Variants in LRFN5 observed in about 807,000 individuals in gnomAD.
The protein encoded by LRFN5 is leucine-rich repeat and fibronectin type-III domain-containing protein 5.
In LRFN5, 24 loss-of-function variants were observed where a neutral mutation model predicts 45.6. The ratio of observed to expected loss-of-function variants is 0.53; its 90% CI spans 0.38 to 0.74. The LOEUF (loss-of-function observed/expected upper bound fraction) is 0.74. Ranked by LOEUF, LRFN5 falls within the 30% of genes least tolerant of loss-of-function variation. LRFN5 has a pLI of 0.00. For synonymous variants in LRFN5, 340 were observed against 313.8 expected, an observed-to-expected ratio of 1.08 and a Z score of -0.88; for missense variants, 776 against 861.5, an observed-to-expected ratio of 0.90 and a Z score of 1.24.
At chr14:41,616,559 C>T (rs981347036) in intron 1 of LRFN5, among the ~76,000 whole-genome samples, 17 of 152,092 alleles carry the variant, frequency 1.1e-4, no homozygotes, top group African/African-American at 3.9e-4. Flanking sequence ...GATTAAGCTC[C>T]TAGCAGTTTT....
intron 1 of LRFN5, among the ~76,000 whole-genome samples, chr14:41,714,324 T>C (rs1566632958): frequency 6.6e-6 from 1 of 152,166 alleles, no homozygotes; most frequent in South Asian, 2.1e-4. Context: ...AGGACTTACA[T>C]TAAATCATGA....
chr14:41,889,496 C>T (rs1487293883), intron 3 of LRFN5, among the ~76,000 whole-genome samples: 1 of 151,930 alleles, frequency 6.6e-6, no homozygotes, highest in African/African-American at 2.4e-5. Flanking sequence ...TGACAAATAC[C>T]CCTCCCCACC....
At chr14:41,629,885 T>G (rs1273201896) in intron 1 of LRFN5, among the ~76,000 whole-genome samples, 1 of 152,100 alleles carries the variant, frequency 6.6e-6, no homozygotes, top group Non-Finnish European at 1.5e-5. Context: ...GAGCCTTACT[T>G]TTTTTTATGT....
intron 1 of LRFN5, among the ~76,000 whole-genome samples, chr14:41,626,085 G>T (rs1382201641): frequency 2.0e-5 from 3 of 151,988 alleles, no homozygotes; most frequent in Non-Finnish European, 4.4e-5. Flanking sequence ...AGGTTCTAGG[G>T]TAGGAGGGTC....
rs181581182 is a variant in LRFN5, at chr14:41,886,946, T to C, written c.321T>C (p.Asn107=). ...GAAATTTGAGGGCTTTGCATTTGAA[T>C]AGCAACAGATTGACTAAAATTACAA... The part of the protein sequence containing the change: ...DLRNLRALHL[N]SNRLTKITND... Residue 107 remains asparagine (N), a synonymous_variant, in exon 3 of 6, where the codon AAT becomes AAC. Transcript: ENST00000298119. 1,293 of 1,614,228 alleles carry C rather than the reference T, an allele frequency of 8.0e-4. 11 individuals are homozygous for C. The highest frequency in any genetic ancestry group is 1.1e-4 in the Non-Finnish European group (134 of 1,180,032).
intron 1 of LRFN5, among the ~76,000 whole-genome samples, chr14:41,690,151 T>G (rs1882311761): frequency 6.6e-6 from 1 of 152,096 alleles, no homozygotes; most frequent in Non-Finnish European, 1.5e-5. Flanking sequence ...AATGTAGCAA[T>G]ATTTTTAAAA....
At chr14:41,792,420 C>T (rs544004621) in intron 2 of LRFN5, among the ~76,000 whole-genome samples, 7 of 152,026 alleles carry the variant, frequency 4.6e-5, no homozygotes, top group African/African-American at 1.7e-4. Flanking sequence ...TTTTTCCCCA[C>T]CCTAATAAGC....
At chr14:41,667,413 A>G (rs1880951940) in intron 1 of LRFN5, among the ~76,000 whole-genome samples, 1 of 152,180 alleles carries the variant, frequency 6.6e-6, no homozygotes, top group Non-Finnish European at 1.5e-5. Context: ...AGCCATAGCC[A>G]TGTTTGCTAT....
At chr14:41,821,322 A>T (rs1888105060) in intron 2 of LRFN5, among the ~76,000 whole-genome samples, 1 of 151,812 alleles carries the variant, frequency 6.6e-6, no homozygotes, top group Non-Finnish European at 1.5e-5. Flanking sequence ...AATTTTATTT[A>T]ATTTTATTAT....
At chr14:41,700,495 C>G (rs1424811597) in intron 1 of LRFN5, 1 of 151,794 alleles carries the variant, frequency 6.6e-6, no homozygotes, top group African/African-American at 2.4e-5. Context: ...AGGAGAGAAG[C>G]TTTTCCTTTT....
intron 2 of LRFN5, among the ~76,000 whole-genome samples, chr14:41,875,589 A>T (rs1247295878): frequency 6.6e-6 from 1 of 152,204 alleles, no homozygotes; most frequent in Non-Finnish European, 1.5e-5. Flanking sequence ...TCTCTCTTGT[A>T]TGAGGTGGAA....
At chr14:41,833,563 G>C (rs1888556828) in intron 2 of LRFN5, among the ~76,000 whole-genome samples, 1 of 152,146 alleles carries the variant, frequency 6.6e-6, no homozygotes, top group Non-Finnish European at 1.5e-5. Flanking sequence ...GCTGAGCAGA[G>C]TTTCCTTCGT....
intron 2 of LRFN5, among the ~76,000 whole-genome samples, chr14:41,784,613 G>A (rs968423027): frequency 1.1e-5 from 1 of 91,502 alleles, no homozygotes; most frequent in Admixed American, 1.2e-4. Context: ...TGAAGCCTGT[G>A]TGTGTATGTG....
intron 1 of LRFN5, among the ~76,000 whole-genome samples, chr14:41,753,891 G>T (rs1157760586): frequency 6.6e-6 from 1 of 151,918 alleles, no homozygotes; most frequent in Non-Finnish European, 1.5e-5. Context: ...CAGTATATTG[G>T]CTGTGGGTTT....
chr14:41,701,322 C>T (rs1237479296), intron 1 of LRFN5: 1 of 152,082 alleles, frequency 6.6e-6, no homozygotes, highest in Admixed American at 6.6e-5. Flanking sequence ...ATTTTTTAGT[C>T]CTCGTAATAA....
At chr14:41,756,758 G>C (rs747656445) in intron 1 of LRFN5, among the ~76,000 whole-genome samples, 2 of 152,052 alleles carry the variant, frequency 1.3e-5, no homozygotes, top group Non-Finnish European at 2.9e-5. Context: ...CTTTCAACTC[G>C]TCAAAATCAT....
chr14:41,780,960 T>C (rs1229924153), intron 2 of LRFN5, among the ~76,000 whole-genome samples: 1 of 152,186 alleles, frequency 6.6e-6, no homozygotes, highest in African/African-American at 2.4e-5. Context: ...GTTGCCAATT[T>C]CTTTTCCCAT....
Position 41,887,628 on chromosome 14 carries a change from C to T in LRFN5, c.1003C>T (p.Leu335=). The change falls in exon 3 of 6, where the codon CTG becomes TTG. Residue 335 remains leucine (L), a synonymous_variant. Transcript: ENST00000298119. This position sits in a 1 kb window ranked among gnomAD's most constrained non-coding sequence, Gnocchi z 4.8. The part of the protein sequence containing the change: ...GKLISNATRS[L]VYDNGTLDIL... ...GCTTATTTCAAATGCAACAAGATCT[C>T]TGGTGTATGATAACGGAACACTTGA... The T allele has an allele frequency of 6.2e-7, 1 of 1,614,178 alleles. No homozygotes were observed. Among genetic ancestry groups the T allele is most frequent in the Non-Finnish European group, 8.5e-7 (1 of 1,180,050 alleles).
chr14:41,842,713 T>A (rs1454725680), intron 2 of LRFN5, among the ~76,000 whole-genome samples: 1 of 152,040 alleles, frequency 6.6e-6, no homozygotes, highest in Admixed American at 6.6e-5. Flanking sequence ...ATGTATAACA[T>A]TTTTTTACCA....
Sources: gnomAD v4.1 joint callset for allele counts (sites outside exome capture counted in the v4.1 genomes callset) on GRCh38, gnomAD v4.1.1 for gene constraint, Gnocchi (gnomAD v3.1) non-coding constraint, MANE v1.5 for transcripts, NCBI Gene and HGNC (gene_info 2026-07-23, HGNC 2026-07-21) for gene names.